Variants in TAFA5 observed in about 807,000 individuals in gnomAD.
The protein encoded by TAFA5 is chemokine-like protein TAFA-5.
In TAFA5, 6 loss-of-function variants were observed where a neutral mutation model predicts 15.3. The ratio of observed to expected loss-of-function variants is 0.39; its 90% confidence interval spans 0.21 to 0.77. TAFA5 has a LOEUF of 0.77. Among genes scored for constraint, TAFA5 ranks in the 30% least tolerant of loss-of-function variants. The pLI, the probability that TAFA5 is intolerant of heterozygous loss-of-function variation, is 0.41. For synonymous variants in TAFA5, 103 were observed against 80.7 expected, an observed-to-expected ratio of 1.28 and a Z score of -1.48; for missense variants, 161 against 193.1, an observed-to-expected ratio of 0.83 and a Z score of 0.98.
intron 1 of TAFA5, chr22:48,576,276 C>G: frequency 1.2e-6 from 1 of 846,990 alleles, no homozygotes; most frequent in African/African-American, 1.8e-5. Flanking sequence ...CGCCCCCCTC[C>G]CCCCGCCCGC....
intron 2 of TAFA5, among the ~76,000 whole-genome samples, chr22:48,665,626 A>AT (rs1185894294): frequency 6.6e-6 from 1 of 152,108 alleles, no homozygotes; most frequent in Non-Finnish European, 1.5e-5. Context: ...ATCCAACATC[A>AT]TTTATTGAAA....
chr22:48,603,638 G>A (rs1297265652), intron 1 of TAFA5, among the ~76,000 whole-genome samples: 4 of 152,204 alleles, frequency 2.6e-5, no homozygotes, highest in Non-Finnish European at 5.9e-5. Flanking sequence ...GCGCTGAGCC[G>A]AAGGGCAGGC....
At chr22:48,569,004 G>A (rs576441352) in intron 1 of TAFA5, among the ~76,000 whole-genome samples, 5 of 152,346 alleles carry the variant, frequency 3.3e-5, no homozygotes, top group Admixed American at 2.6e-4. Context: ...CCTCCATCCT[G>A]AACCCACAGC....
chr22:48,696,677 C>T (rs745649649), intron 2 of TAFA5, among the ~76,000 whole-genome samples: 6 of 152,200 alleles, frequency 3.9e-5, no homozygotes, highest in Admixed American at 6.5e-5. Flanking sequence ...GGTCTGACAC[C>T]CCTTCACCCC....
intron 1 of TAFA5, among the ~76,000 whole-genome samples, chr22:48,531,447 C>T (rs1438303713): frequency 2.6e-5 from 4 of 152,172 alleles, no homozygotes; most frequent in African/African-American, 9.7e-5. Context: ...ACACCCGCCC[C>T]GGTGCCCTGT....
At chr22:48,677,291 C>T (rs1343496273) in intron 2 of TAFA5, among the ~76,000 whole-genome samples, 1 of 152,248 alleles carries the variant, frequency 6.6e-6, no homozygotes, top group Non-Finnish European at 1.5e-5. Context: ...CCCTGCCCGC[C>T]CGCTGTGCTC....
Position 48,749,880 on chromosome 22 carries a change from C to T in TAFA5, c.*33C>T, listed in dbSNP as rs192891073. On this transcript the variant is annotated 3_prime_UTR_variant, in exon 4 of 4. Coordinates refer to ENST00000402357, the MANE Select transcript of TAFA5 (RefSeq NM_001082967.3). ...AGCCCCTGAGGGGCCCCGGGAGTGGCCTTGGCTCCCTGGAGAGCCCACGTC... is the reference window on the plus strand; with the variant it reads ...AGCCCCTGAGGGGCCCCGGGAGTGGTCTTGGCTCCCTGGAGAGCCCACGTC... 880 of 1,550,616 alleles carry T rather than the reference C, an allele frequency of 5.7e-4. 2 individuals carry two copies. The highest frequency in any genetic ancestry group is 4.8e-4 in the Non-Finnish European group (550 of 1,145,778).
intron 1 of TAFA5, among the ~76,000 whole-genome samples, chr22:48,526,838 A>T (rs1434100944): frequency 6.6e-6 from 1 of 152,186 alleles, no homozygotes; most frequent in Non-Finnish European, 1.5e-5. Context: ...TGCTGAGTTG[A>T]TGGTTCTTTT....
rs528317724 is a variant in TAFA5 at position 48,526,614 on chromosome 22, C to T, written c.112+36910C>T. Among the ~76,000 whole-genome samples the T allele has an allele frequency of 2.0e-5, 3 of 152,338 alleles. No homozygotes were observed. The East Asian group carries it at 5.8e-4, about 29-fold the overall frequency. On this transcript the variant is annotated intron_variant, in intron 1 of 3. Coordinates refer to ENST00000402357, the MANE Select transcript of TAFA5 (RefSeq NM_001082967.3). ...TCCTGCGGGTGCATCCTCATTGGTA[C>T]GTCCTTCCTGGTCCTTACAAGAAGA...
intron 1 of TAFA5, among the ~76,000 whole-genome samples, chr22:48,619,719 A>C (rs1925736559): frequency 6.6e-6 from 1 of 152,250 alleles, no homozygotes; most frequent in Non-Finnish European, 1.5e-5. Context: ...TCAGGGCCTC[A>C]GTCTGGCAGC....
At chr22:48,717,581 G>T (rs1454819477) in intron 3 of TAFA5, among the ~76,000 whole-genome samples, 6 of 152,236 alleles carry the variant, frequency 3.9e-5, no homozygotes, top group Admixed American at 3.9e-4. Context: ...AGGCTCCAGC[G>T]TGGGAACGTT....
At chr22:48,588,243 C>G (rs1924431695) in intron 1 of TAFA5, among the ~76,000 whole-genome samples, 1 of 152,232 alleles carries the variant, frequency 6.6e-6, no homozygotes, top group Non-Finnish European at 1.5e-5. Context: ...ACCGCAGTGA[C>G]TGCTCTTCAC....
In TAFA5 at chr22:48,640,338, G is replaced by T. The variant is rs527519945; in HGVS notation, c.113-6259G>T. Among the ~76,000 whole-genome samples the T allele has an allele frequency of 1.7e-4, 26 of 152,290 alleles. No homozygotes were observed. In the East Asian group the frequency reaches 4.8e-3, roughly 28 times the overall value. ...GCATGGGGGCATGCCAGCACCCACCGCCCCCTGCATGCCGATGAGGGACAT... is the reference window on the plus strand; with the variant it reads ...GCATGGGGGCATGCCAGCACCCACCTCCCCCTGCATGCCGATGAGGGACAT... On this transcript the variant is annotated intron_variant, in intron 1 of 3. Coordinates refer to ENST00000402357, the MANE Select transcript of TAFA5 (RefSeq NM_001082967.3).
At chr22:48,684,185 A>G (rs1418014024) in intron 2 of TAFA5, among the ~76,000 whole-genome samples, 1 of 152,128 alleles carries the variant, frequency 6.6e-6, no homozygotes, top group African/African-American at 2.4e-5. Flanking sequence ...GTTCGGAAGC[A>G]GAAGTGCGTG....
At chr22:48,716,702 A>C (rs1464158927) in intron 3 of TAFA5, among the ~76,000 whole-genome samples, 1 of 152,216 alleles carries the variant, frequency 6.6e-6, no homozygotes, top group Non-Finnish European at 1.5e-5. Context: ...AAGAGCCTGG[A>C]GAGCGCTTTG....
At chr22:48,505,007 C>T (rs743846) in intron 1 of TAFA5, among the ~76,000 whole-genome samples, 54,586 of 152,134 alleles carry the variant, frequency 0.36, 12,293 homozygotes, top group African/African-American at 0.63. Context: ...GCCAGCCACA[C>T]TGGAGCCCGG....
At chr22:48,620,934 C>CCA (rs1925798895) in intron 1 of TAFA5, among the ~76,000 whole-genome samples, 1 of 3,016 alleles carries the variant, frequency 3.3e-4, no homozygotes, top group Non-Finnish European at 7.3e-4. Context: ...TCATCCATCC[C>CCA]CCCACCCACC....
chr22:48,567,874 T>C (rs968022667), intron 1 of TAFA5, among the ~76,000 whole-genome samples: 2 of 152,128 alleles, frequency 1.3e-5, no homozygotes, highest in Admixed American at 1.3e-4. Context: ...GCTCAGCCCA[T>C]GCAAGGTGCT....
rs555609995 is a variant in TAFA5, at chr22:48,656,923, G to A, written c.262+10177G>A. On this transcript the variant is annotated intron_variant, in intron 2 of 3. Transcript: ENST00000402357. ...TGGGATTACAGGCTTGCACTGCCAT[G>A]CCCAGCTATTTTTTTTCTTCTATTT... Among the ~76,000 whole-genome samples, 278 of 151,796 alleles carry A rather than the reference G, an allele frequency of 1.8e-3. 1 individual carries two copies. The highest frequency in any genetic ancestry group is 6.5e-3 in the African/African-American group (270 of 41,388).
Sources: gnomAD v4.1 joint callset for allele counts (sites outside exome capture counted in the v4.1 genomes callset) on GRCh38, gnomAD v4.1.1 for gene constraint, MANE v1.5 for transcripts, NCBI Gene and HGNC (gene_info 2026-07-23, HGNC 2026-07-21) for gene names.